AP1S3: variants seen among roughly 807,000 people sequenced by gnomAD.
AP1S3 encodes the protein AP-1 complex subunit sigma-3.
In AP1S3, 10 loss-of-function variants were observed where a neutral mutation model predicts 20.9. That is an observed-to-expected ratio of 0.48 (90% CI 0.29 to 0.81). AP1S3 has a LOEUF of 0.81. AP1S3 is among the 30% of genes least tolerant of loss of function. The pLI, the probability that AP1S3 is intolerant of heterozygous loss-of-function variation, is 0.08. For missense variants in AP1S3, 154 were observed against 183.8 expected (o/e 0.84, Z 0.94); for synonymous variants, 41 against 61.5 (o/e 0.67, Z 1.56).
chr2:223,815,842 G>C (rs192452469), intron 1 of AP1S3, among the ~76,000 whole-genome samples: 16 of 152,326 alleles, frequency 1.1e-4, no homozygotes, highest in African/African-American at 3.8e-4. Context: ...ACAGGCAGTG[G>C]CTCAGGTCTC....
Position 223,755,892 on chromosome 2 carries a change from A to C in AP1S3, c.*2823T>G. The C allele has an allele frequency of 1.0e-6, 1 of 985,442 alleles. No individual in the cohort carries two copies. Among genetic ancestry groups the C allele is most frequent in the Non-Finnish European group, 1.2e-6 (1 of 829,946 alleles). 61.0% of individuals were successfully genotyped at this position (985,442 alleles called of 1,614,324 possible). A position where few individuals can be genotyped will look rare whatever the true frequency, so the allele number is the denominator to read the frequency against. On this transcript the variant is annotated 3_prime_UTR_variant, in exon 5 of 5. Transcript: ENST00000396654. ...GTCTGAGAAGCCCTGTCCATAACTA[A>C]AGTGTCTAATATGGAATTATCCAGA...
intron 1 of AP1S3, among the ~76,000 whole-genome samples, chr2:223,813,405 C>T (rs566800883): frequency 6.6e-6 from 1 of 152,326 alleles, no homozygotes; most frequent in South Asian, 2.1e-4. Flanking sequence ...TACTACATGT[C>T]ACGTCTTATG....
chr2:223,808,965 A>G (rs1691647801), intron 1 of AP1S3, among the ~76,000 whole-genome samples: 1 of 152,230 alleles, frequency 6.6e-6, no homozygotes, highest in African/African-American at 2.4e-5. Flanking sequence ...ACGCCACTAC[A>G]GCCTGGATGA....
rs1199407183 is a variant in AP1S3, at chr2:223,758,365, T to C, written c.*350A>G. The C allele has an allele frequency of 7.8e-6, 8 of 1,020,540 alleles. No homozygotes were observed. The highest frequency in any genetic ancestry group is 8.6e-5 in the East Asian group (1 of 11,596). 63.2% of individuals were successfully genotyped at this position (1,020,540 alleles called of 1,614,324 possible). ...TCAAAATCATGGATTATTACAATAT[T>C]GTGTCAAATGCAAAAAAAATTGCAG... On this transcript the variant is annotated 3_prime_UTR_variant, in exon 5 of 5. Coordinates refer to ENST00000396654, the MANE Select transcript of AP1S3 (RefSeq NM_001039569.2).
chr2:223,818,091 G>A (rs1229276740), intron 1 of AP1S3, among the ~76,000 whole-genome samples: 1 of 151,828 alleles, frequency 6.6e-6, no homozygotes. Flanking sequence ...GGCAGGGTAG[G>A]TATCAAATGC....
chr2:223,800,217 A>G (rs200305098), intron 1 of AP1S3, among the ~76,000 whole-genome samples: 59,245 of 149,270 alleles, frequency 0.4, 11,716 homozygotes, highest in Middle Eastern at 0.47. Context: ...TGCGTCTAAA[A>G]AAAAAAAAAA....
intron 1 of AP1S3, among the ~76,000 whole-genome samples, chr2:223,809,272 A>G (rs1238175206): frequency 1.3e-5 from 2 of 152,102 alleles, no homozygotes; most frequent in African/African-American, 4.8e-5. Context: ...GGGTCTTTGC[A>G]CCAGCTATGC....
chr2:223,808,926 T>C (rs1379274719), intron 1 of AP1S3, among the ~76,000 whole-genome samples: 1 of 152,044 alleles, frequency 6.6e-6, no homozygotes, highest in Non-Finnish European at 1.5e-5. Context: ...ACCCAGGAGG[T>C]TGAGGCTGCA....
chr2:223,795,910 C>G (rs533781020), intron 1 of AP1S3, among the ~76,000 whole-genome samples: 2 of 152,128 alleles, frequency 1.3e-5, no homozygotes, highest in Non-Finnish European at 2.9e-5. Context: ...CGGTGGCTCA[C>G]GCCTGTAATC....
At chr2:223,780,304 TATATAG>T (rs1433120978) in intron 1 of AP1S3, among the ~76,000 whole-genome samples, 214 of 45,346 alleles carry the variant, frequency 4.7e-3, no homozygotes, top group Non-Finnish European at 6.4e-3. Context: ...TATATATATA[TATATAG>T]AGAGAGAGAG....
chr2:223,803,263 G>A (rs542392133), intron 1 of AP1S3, among the ~76,000 whole-genome samples: 3 of 152,232 alleles, frequency 2.0e-5, no homozygotes, highest in South Asian at 4.1e-4. Flanking sequence ...GAAAGTTAAA[G>A]CTTTATTCAA....
chr2:223,827,299 A>G (rs1404055213), intron 1 of AP1S3, among the ~76,000 whole-genome samples: 1 of 152,168 alleles, frequency 6.6e-6, no homozygotes, highest in Admixed American at 6.6e-5. Flanking sequence ...AAAGTTCTAT[A>G]CAGACTTCTG....
At chr2:223,773,117 A>T (rs1690672371) in intron 3 of AP1S3, among the ~76,000 whole-genome samples, 1 of 152,240 alleles carries the variant, frequency 6.6e-6, no homozygotes, top group Non-Finnish European at 1.5e-5. Context: ...TGGGTTTAGC[A>T]TTGGTGAAGG....
Position 223,765,360 on chromosome 2 carries a change from C to A in AP1S3, c.292-10G>T. The A allele has an allele frequency of 6.3e-7, 1 of 1,595,054 alleles. No homozygotes were observed. Among genetic ancestry groups the A allele is most frequent in the Non-Finnish European group, 8.5e-7 (1 of 1,173,484 alleles). ...TATCCAGCTCACAGACCTGGTGGGA[C>A]AAAAACAAACGTTTTGATAAACTTG... On this transcript the variant is annotated splice_polypyrimidine_tract_variant and intron_variant, in intron 3 of 4. Transcript: ENST00000396654.
intron 1 of AP1S3, among the ~76,000 whole-genome samples, chr2:223,830,418 G>T (rs1414887196): frequency 1.3e-5 from 2 of 150,050 alleles, no homozygotes; most frequent in African/African-American, 2.5e-5. Context: ...GGCAGAGGTT[G>T]CAGTGAGCCG....
chr2:223,787,572 C>T lies in AP1S3; in HGVS notation c.4-9703G>A, dbSNP rs112158561. Among the ~76,000 whole-genome samples, 302 of 152,338 alleles carry T rather than the reference C, an allele frequency of 2.0e-3. 1 individual carries two copies. Among genetic ancestry groups the T allele is most frequent in the African/African-American group, 6.6e-3 (275 of 41,584 alleles). ...AATTCCCAAGAGAAACCAGATAGGTCTCCCCATAGAATGCCTGAGAGCAAT... is the reference window on the plus strand; with the variant it reads ...AATTCCCAAGAGAAACCAGATAGGTTTCCCCATAGAATGCCTGAGAGCAAT... On this transcript the variant is annotated intron_variant, in intron 1 of 4. Coordinates refer to ENST00000396654, the MANE Select transcript of AP1S3 (RefSeq NM_001039569.2).
chr2:223,834,035 A>T (rs993452893), intron 1 of AP1S3, among the ~76,000 whole-genome samples: 33 of 152,162 alleles, frequency 2.2e-4, no homozygotes, highest in African/African-American at 7.5e-4. Flanking sequence ...CAGCCTCCCA[A>T]GTAGCTGGGA....
At chr2:223,780,411 G>T (rs1690916354) in intron 1 of AP1S3, among the ~76,000 whole-genome samples, 1 of 123,750 alleles carries the variant, frequency 8.1e-6, no homozygotes. Context: ...GTAGAGACGA[G>T]GTCTCCCTAT....
At chr2:223,776,081 A>G (rs1293671614) in intron 2 of AP1S3, 72 bp from the exon 3 acceptor site, 1 of 1,152,874 alleles carries the variant, frequency 8.7e-7, no homozygotes, top group Non-Finnish European at 1.3e-6. Context: ...TTTCCCACGA[A>G]TATGCAGTCA....
Sources: gnomAD v4.1 joint callset for allele counts (sites outside exome capture counted in the v4.1 genomes callset) on GRCh38, gnomAD v4.1.1 for gene constraint, MANE v1.5 for transcripts, NCBI Gene and HGNC (gene_info 2026-07-23, HGNC 2026-07-21) for gene names.